Variants in FAT3 observed in about 807,000 individuals in gnomAD.
FAT3 encodes the protein FAT atypical cadherin 3.
In FAT3, 95 loss-of-function variants were observed where a neutral mutation model predicts 310.2. That is an observed-to-expected ratio of 0.31 (90% CI 0.26 to 0.36). FAT3 has a LOEUF of 0.36. Among genes scored for constraint, FAT3 ranks in the 10% least tolerant of loss-of-function variants. The pLI, the probability that FAT3 is intolerant of heterozygous loss-of-function variation, is 1.00. For missense variants in FAT3, 5,408 were observed against 5,715.6 expected (o/e 0.95, Z 1.74); for synonymous variants, 2,314 against 2,192.9 (o/e 1.06, Z -1.54).
chr11:92,791,444 G>A (rs1272442641), intron 8 of FAT3, among the ~76,000 whole-genome samples: 1 of 152,098 alleles, frequency 6.6e-6, no homozygotes, highest in Non-Finnish European at 1.5e-5. Flanking sequence ...TTTCTCCAAG[G>A]GCAGAAACCT....
chr11:92,859,211 G>T lies in FAT3; in HGVS notation c.11547G>T (p.Arg3849=). 6.2e-7 allele frequency: 1 copy of T among 1,613,770 alleles called. No individual in the cohort carries two copies. The highest frequency in any genetic ancestry group is 8.5e-7 in the Non-Finnish European group (1 of 1,179,826). The stretch of plus-strand genomic sequence containing the variant: ...CTGGAAACAGTTACATCAAATATCG[G>T]CTTTCTGAAAATAGCAAAGAAGAGG... ...SFAGNSYIKY[R]LSENSKEEDF... Residue 3849 remains arginine, a synonymous_variant, in exon 21 of 28, where the codon CGG becomes CGT. Coordinates refer to ENST00000525166, the MANE Select transcript of FAT3 (RefSeq NM_001367949.2).
At chr11:92,344,167 C>G (rs1390018124) in intron 1 of FAT3, among the ~76,000 whole-genome samples, 4 of 152,180 alleles carry the variant, frequency 2.6e-5, no homozygotes, top group African/African-American at 9.7e-5. Context: ...CCTCACTTAT[C>G]CATGGTTTCA....
At chr11:92,582,078 G>A (rs536159455) in intron 3 of FAT3, among the ~76,000 whole-genome samples, 112 of 152,072 alleles carry the variant, frequency 7.4e-4, no homozygotes, top group Non-Finnish European at 1.3e-3. Context: ...ACCATATAGG[G>A]TAACTTCCTG....
chr11:92,312,637 A>T (rs1380806885), intron 1 of FAT3, among the ~76,000 whole-genome samples: 15 of 152,192 alleles, frequency 9.9e-5, no homozygotes, highest in Non-Finnish European at 1.9e-4. Context: ...AACCCAGCAA[A>T]TTGAAAACAT....
intron 1 of FAT3, among the ~76,000 whole-genome samples, chr11:92,347,186 G>A (rs1251580172): frequency 6.6e-6 from 1 of 152,172 alleles, no homozygotes; most frequent in Non-Finnish European, 1.5e-5. Context: ...TGCATGTTCT[G>A]TAACCATTGC....
chr11:92,636,327 G>T (rs146897633), intron 3 of FAT3, among the ~76,000 whole-genome samples: 94 of 152,100 alleles, frequency 6.2e-4, no homozygotes, highest in African/African-American at 2.2e-3. Flanking sequence ...GATTGGGCAG[G>T]AAAAAAGAAA....
chr11:92,454,031 A>G (rs72972451), intron 2 of FAT3, among the ~76,000 whole-genome samples: 4,909 of 152,322 alleles, frequency 0.032, 89 homozygotes, highest in African/African-American at 0.036. Flanking sequence ...GGTAAAAATA[A>G]TTGTAATAAA....
At chr11:92,565,084 T>C (rs1276829686) in intron 3 of FAT3, among the ~76,000 whole-genome samples, 4 of 140,634 alleles carry the variant, frequency 2.8e-5, no homozygotes, top group East Asian at 2.2e-4. Flanking sequence ...TTCAAAAAAT[T>C]AATGAATCCA....
At chr11:92,430,571 A>T (rs2135022305) in intron 2 of FAT3, among the ~76,000 whole-genome samples, 1 of 152,082 alleles carries the variant, frequency 6.6e-6, no homozygotes, top group East Asian at 1.9e-4. Flanking sequence ...CAGGTTAGTT[A>T]CATATGTATA....
At chr11:92,609,429 C>T (rs768953206) in intron 3 of FAT3, among the ~76,000 whole-genome samples, 19 of 152,166 alleles carry the variant, frequency 1.2e-4, no homozygotes, top group Admixed American at 2.6e-4. Context: ...ATGTAATGCA[C>T]ATTAGTTTGC....
intron 2 of FAT3, among the ~76,000 whole-genome samples, chr11:92,466,834 T>C (rs1228260695): frequency 6.7e-6 from 1 of 149,870 alleles, no homozygotes; most frequent in Non-Finnish European, 1.5e-5. Flanking sequence ...CATGCGGTGT[T>C]TGGTTTTTTG....
intron 7 of FAT3, among the ~76,000 whole-genome samples, chr11:92,784,598 C>T (rs1666138848): frequency 6.6e-6 from 1 of 152,190 alleles, no homozygotes; most frequent in Admixed American, 6.5e-5. Flanking sequence ...TTCGGGTTTC[C>T]TCCTGCTTTG....
At chr11:92,424,051 C>T (rs767352698) in intron 2 of FAT3, among the ~76,000 whole-genome samples, 16 of 152,014 alleles carry the variant, frequency 1.1e-4, no homozygotes, top group East Asian at 1.9e-4. Context: ...GGGTGGACAC[C>T]TACAAAGGTT....
intron 2 of FAT3, among the ~76,000 whole-genome samples, chr11:92,402,507 A>C (rs951178547): frequency 6.6e-6 from 1 of 152,096 alleles, no homozygotes; most frequent in East Asian, 1.9e-4. Context: ...AGGCAGGCAG[A>C]TCTTTTGATC....
At chr11:92,753,261 C>G (rs1945876692) in intron 4 of FAT3, among the ~76,000 whole-genome samples, 1 of 152,164 alleles carries the variant, frequency 6.6e-6, no homozygotes, top group African/African-American at 2.4e-5. Flanking sequence ...CATCATCAAC[C>G]AGCAGATATG....
Position 92,883,047 on chromosome 11 carries a change from C to T in FAT3, c.12591C>T (p.Thr4197=), listed in dbSNP as rs1015463285. 5 of 1,613,756 alleles carry T rather than the reference C, an allele frequency of 3.1e-6. No homozygotes were observed. Among genetic ancestry groups the T allele is most frequent in the Non-Finnish European group, 4.2e-6 (5 of 1,179,906 alleles). ...NNITLVQDPA[T]AALLNKSNGI... is the part of the protein sequence containing the mutation. ...TCACGCTAGTGCAGGACCCGGCCAC[C>T]GCCGCCCTGCTTAACAAGAGCAATG... Residue 4197 remains threonine (T), a synonymous_variant, in exon 24 of 28, where the codon ACC becomes ACT. Coordinates refer to ENST00000525166, the MANE Select transcript of FAT3 (RefSeq NM_001367949.2). The surrounding 1 kb of genome is among the most constrained non-coding windows in gnomAD (Gnocchi z 4.2).
intron 4 of FAT3, among the ~76,000 whole-genome samples, chr11:92,739,471 G>A (rs1945444555): frequency 6.6e-6 from 1 of 152,112 alleles, no homozygotes; most frequent in South Asian, 2.1e-4. Context: ...AATTTTTAAT[G>A]TAGCAAAATT....
intron 22 of FAT3, among the ~76,000 whole-genome samples, chr11:92,878,652 A>AAAAAC (rs1565672532): frequency 1.7e-4 from 23 of 135,158 alleles, no homozygotes; most frequent in Non-Finnish European, 3.2e-4. Flanking sequence ...AAAAAAAAAA[A>AAAAAC]AAAAAAAAAA....
chr11:92,783,724 G>A (rs1450031115), intron 7 of FAT3, among the ~76,000 whole-genome samples: 1 of 152,108 alleles, frequency 6.6e-6, no homozygotes, highest in Non-Finnish European at 1.5e-5. Context: ...GTCTGAAACT[G>A]CAGTGAGCCA....
Sources: allele counts gnomAD v4.1 joint callset (sites outside exome capture counted in the v4.1 genomes callset), GRCh38; gene constraint gnomAD v4.1.1; non-coding constraint Gnocchi (gnomAD v3.1); transcripts MANE v1.5; gene names NCBI Gene and HGNC (gene_info 2026-07-23, HGNC 2026-07-21).